YTHDC2: variants seen among roughly 807,000 people sequenced by gnomAD.
The protein encoded by YTHDC2 is 3'-5' RNA helicase YTHDC2.
Under a neutral mutation model 174.9 loss-of-function variants are expected in YTHDC2, and 45 were observed. The ratio of observed to expected loss-of-function variants is 0.26; its 90% CI spans 0.20 to 0.33. The LOEUF (loss-of-function observed/expected upper bound fraction) is 0.33, where lower values mean the gene tolerates loss of function less well. Ranked by LOEUF, YTHDC2 falls within the 10% of genes least tolerant of loss-of-function variation. YTHDC2 has a pLI of 1.00. For missense variants in YTHDC2, 1,650 were observed against 1,723.7 expected, an observed-to-expected ratio of 0.96 and a Z score of 0.76; for synonymous variants, 657 against 574.5, an observed-to-expected ratio of 1.14 and a Z score of -2.05.
At chr5:113,537,969 T>G (rs920915018) in intron 7 of YTHDC2, among the ~76,000 whole-genome samples, 5 of 152,110 alleles carry the variant, frequency 3.3e-5, no homozygotes, top group African/African-American at 1.2e-4. Context: ...TTTACATGCC[T>G]AAAACCAAAC....
rs554546814 is a variant in YTHDC2, at chr5:113,573,925, A to C, written c.3245-5661A>C. Among the ~76,000 whole-genome samples the C allele has an allele frequency of 2.0e-5, 3 of 152,230 alleles. No individual in the cohort carries two copies. The East Asian group carries it at 5.8e-4, about 29-fold the overall frequency. On this transcript the variant is annotated intron_variant, in intron 23 of 29. Coordinates refer to ENST00000161863, the MANE Select transcript of YTHDC2 (RefSeq NM_022828.5). ...ACAATATGCTTCTTTAGCTCAGCGA[A>C]GTTTGTTATTACCCACCTTCTGAAG...
chr5:113,545,573 G>C (rs138981731), intron 10 of YTHDC2, among the ~76,000 whole-genome samples: 153 of 152,010 alleles, frequency 1.0e-3, no homozygotes, highest in African/African-American at 3.6e-3. Flanking sequence ...TGCAAAACCT[G>C]TTTCTCTTCT....
intron 4 of YTHDC2, among the ~76,000 whole-genome samples, chr5:113,532,413 C>G (rs1774735778): frequency 6.6e-6 from 1 of 151,992 alleles, no homozygotes; most frequent in East Asian, 1.9e-4. Flanking sequence ...AAAAAGGTAT[C>G]TACAATCCTG....
At chr5:113,583,462 C>A (rs977902384) in intron 25 of YTHDC2, 3 of 151,896 alleles carry the variant, frequency 2.0e-5, no homozygotes, top group Admixed American at 6.6e-5. Flanking sequence ...TTTCTATACC[C>A]TATGTATCTT....
chr5:113,593,426 T>A, intron 29 of YTHDC2, 36 bp downstream of exon 29: 1 of 1,489,126 alleles, frequency 6.7e-7, no homozygotes, highest in Non-Finnish European at 9.3e-7. Context: ...TGGCAGTATT[T>A]GTGATCATTA....
chr5:113,555,582 A>G (rs1397743945), intron 16 of YTHDC2, among the ~76,000 whole-genome samples: 1 of 152,174 alleles, frequency 6.6e-6, no homozygotes, highest in Non-Finnish European at 1.5e-5. Flanking sequence ...GTGGTTAAAA[A>G]TATTTCTCTT....
intron 1 of YTHDC2, among the ~76,000 whole-genome samples, chr5:113,515,005 G>A (rs1446846935): frequency 1.3e-5 from 2 of 152,050 alleles, no homozygotes; most frequent in African/African-American, 4.8e-5. Context: ...GTGAATATCA[G>A]AGGCCTTTAT....
At chr5:113,517,583 A>AAAAT (rs1210713515) in intron 2 of YTHDC2, 1 of 456,196 alleles carries the variant, frequency 2.2e-6, no homozygotes, top group Non-Finnish European at 4.4e-6. Flanking sequence ...AAGAAGAAAA[A>AAAAT]GGAAAGAGAT....
intron 3 of YTHDC2, among the ~76,000 whole-genome samples, chr5:113,525,527 G>T (rs996178924): frequency 6.6e-6 from 1 of 152,012 alleles, no homozygotes. Flanking sequence ...CTGAGGCTTA[G>T]AGGAATTAAA....
At chr5:113,514,986 T>C (rs1051398512) in intron 1 of YTHDC2, among the ~76,000 whole-genome samples, 3 of 152,046 alleles carry the variant, frequency 2.0e-5, no homozygotes, top group Non-Finnish European at 4.4e-5. Context: ...GTAAGAGGAG[T>C]CGTTTTTGGT....
chr5:113,552,857 G>A (rs972763675), intron 12 of YTHDC2, among the ~76,000 whole-genome samples: 2 of 152,124 alleles, frequency 1.3e-5, no homozygotes, highest in Non-Finnish European at 1.5e-5. Flanking sequence ...AGTCATCCTA[G>A]TTGGTGTGAA....
At position 113,567,842 on chromosome 5, in the gene YTHDC2, C is replaced by A; in HGVS notation, c.3237C>A (p.Ser1079=). ...GTAATGCTCTTCAGGAACCTTCATC[C>A]TTTAGAGGTAAATGTATTAAGGAAA... ...LASNALQEPS[S]FRVDGIPNDS... Residue 1079 remains serine (S), a synonymous_variant, in exon 23 of 30, where the codon TCC becomes TCA. Transcript: ENST00000161863. 6.5e-7 allele frequency: 1 copy of A among 1,526,906 alleles called. No homozygotes were observed. The highest frequency in any genetic ancestry group is 8.8e-7 in the Non-Finnish European group (1 of 1,137,552). 94.6% of individuals were successfully genotyped at this position (1,526,906 alleles called of 1,614,324 possible).
intron 6 of YTHDC2, among the ~76,000 whole-genome samples, chr5:113,534,780 A>C (rs1774942560): frequency 6.6e-6 from 1 of 152,142 alleles, no homozygotes; most frequent in South Asian, 2.1e-4. Context: ...CATTAATATC[A>C]TATATTTCCC....
chr5:113,588,265 C>CT (rs1778803059), intron 26 of YTHDC2, among the ~76,000 whole-genome samples: 2 of 152,110 alleles, frequency 1.3e-5, no homozygotes. Flanking sequence ...AGCCACATAT[C>CT]TTTCCCTTGA....
At chr5:113,519,709 T>G (rs1172019850) in intron 2 of YTHDC2, among the ~76,000 whole-genome samples, 1 of 152,088 alleles carries the variant, frequency 6.6e-6, no homozygotes, top group African/African-American at 2.4e-5. Flanking sequence ...GGAGCAAACA[T>G]TTACTAAGTG....
intron 17 of YTHDC2, among the ~76,000 whole-genome samples, chr5:113,557,476 A>T (rs969336822): frequency 6.6e-6 from 1 of 152,134 alleles, no homozygotes; most frequent in African/African-American, 2.4e-5. Flanking sequence ...ATTAAGCTGG[A>T]TGTCCCTGCT....
intron 3 of YTHDC2, 80 bp downstream of exon 3, chr5:113,525,257 A>G: frequency 8.5e-7 from 1 of 1,178,148 alleles, no homozygotes; most frequent in African/African-American, 1.6e-5. Context: ...TTATTTTCGA[A>G]AACCAAGATG....
chr5:113,547,275 A>G (rs765824859), intron 10 of YTHDC2, among the ~76,000 whole-genome samples: 2 of 152,226 alleles, frequency 1.3e-5, no homozygotes, highest in Non-Finnish European at 2.9e-5. Flanking sequence ...ATCAGAATAA[A>G]TTGATCTTTT....
At position 113,579,571 on chromosome 5, in the gene YTHDC2, T is replaced by G. The variant is rs774205629; in HGVS notation, c.3245-15T>G. 6.5e-7 allele frequency: 1 copy of G among 1,549,920 alleles called. No homozygotes were observed. Among genetic ancestry groups the G allele is most frequent in the South Asian group, 1.2e-5 (1 of 80,458 alleles). On this transcript the variant is annotated splice_polypyrimidine_tract_variant and intron_variant, in intron 23 of 29. Coordinates refer to ENST00000161863, the MANE Select transcript of YTHDC2 (RefSeq NM_022828.5). ...AAGGTAAAAGTGATTTTTTTTTCAT[T>G]ATGTACTTGGACAGTGGATGGCATT...
Sources: allele counts gnomAD v4.1 joint callset (sites outside exome capture counted in the v4.1 genomes callset), GRCh38; gene constraint gnomAD v4.1.1; transcripts MANE v1.5; gene names NCBI Gene and HGNC (gene_info 2026-07-23, HGNC 2026-07-21).